STAU2: variants seen among roughly 807,000 people sequenced by gnomAD.
STAU2 encodes staufen double-stranded RNA binding protein 2.
Under a neutral mutation model 65.9 loss-of-function variants are expected in STAU2, and 20 were observed. The ratio of observed to expected loss-of-function variants is 0.30; its 90% CI spans 0.21 to 0.44. The LOEUF is 0.44. STAU2 is among the 20% of genes least tolerant of loss of function. STAU2 has a pLI of 1.00. For synonymous variants in STAU2, 232 were observed against 233.9 expected (o/e 0.99, Z 0.07); for missense variants, 558 against 683.9 (o/e 0.82, Z 2.05).
intron 13 of STAU2, among the ~76,000 whole-genome samples, chr8:73,494,086 T>A (rs1244693340): frequency 6.6e-6 from 1 of 151,774 alleles, no homozygotes; most frequent in Non-Finnish European, 1.5e-5. Flanking sequence ...ACGTTTTATA[T>A]CTTGACAGGG....
chr8:73,594,040 T>C (rs1811007841), intron 11 of STAU2, among the ~76,000 whole-genome samples: 1 of 152,220 alleles, frequency 6.6e-6, no homozygotes, highest in African/African-American at 2.4e-5. Flanking sequence ...AATACATGTC[T>C]GTGAGGAGAT....
chr8:73,737,605 C>T (rs1343282405), intron 3 of STAU2, among the ~76,000 whole-genome samples: 1 of 148,436 alleles, frequency 6.7e-6, no homozygotes, highest in Non-Finnish European at 1.5e-5. Flanking sequence ...GGTCTTACTA[C>T]GTTACCCAGT....
chr8:73,545,768 C>T (rs1296272829), intron 13 of STAU2, among the ~76,000 whole-genome samples: 1 of 152,036 alleles, frequency 6.6e-6, no homozygotes, highest in African/African-American at 2.4e-5. Flanking sequence ...TTGCCTCAGC[C>T]TCCCTAGTAG....
At chr8:73,620,203 C>T (rs371720731) in intron 6 of STAU2, among the ~76,000 whole-genome samples, 2 of 152,144 alleles carry the variant, frequency 1.3e-5, no homozygotes, top group Non-Finnish European at 2.9e-5. Flanking sequence ...CTCCACATAA[C>T]TTTGTTTATT....
chr8:73,741,586 C>T, intron 1 of STAU2, among the ~76,000 whole-genome samples: 1 of 151,416 alleles, frequency 6.6e-6, no homozygotes, highest in Non-Finnish European at 1.5e-5. Flanking sequence ...AATCTCAGCT[C>T]ACTGCAACCT....
intron 13 of STAU2, among the ~76,000 whole-genome samples, chr8:73,437,372 G>C (rs548571870): frequency 3.3e-5 from 5 of 152,268 alleles, no homozygotes; most frequent in Admixed American, 2.6e-4. Flanking sequence ...ATCGGAGAAG[G>C]GTGTGAGGGA....
chr8:73,654,683 CTTTTTTTTTTT>C (rs764223379), intron 6 of STAU2, among the ~76,000 whole-genome samples: 1 of 62,950 alleles, frequency 1.6e-5, no homozygotes, highest in Non-Finnish European at 2.7e-5. Flanking sequence ...ATTATCAAAC[CTTTTTTTTTTT>C]TTTTTTTTTT....
intron 3 of STAU2, among the ~76,000 whole-genome samples, chr8:73,717,115 T>TA (rs1821303926): frequency 6.6e-6 from 1 of 151,754 alleles, no homozygotes; most frequent in Admixed American, 6.6e-5. Flanking sequence ...AAAAAATAAA[T>TA]AAAGTAGTAG....
intron 4 of STAU2, among the ~76,000 whole-genome samples, chr8:73,699,956 C>G (rs570941997): frequency 6.7e-6 from 1 of 149,780 alleles, no homozygotes; most frequent in African/African-American, 2.5e-5. Flanking sequence ...TCCAACAATA[C>G]ATTTAAAAGA....
chr8:73,507,464 G>A (rs1260924128), intron 13 of STAU2, among the ~76,000 whole-genome samples: 1 of 152,140 alleles, frequency 6.6e-6, no homozygotes, highest in African/African-American at 2.4e-5. Flanking sequence ...TCAACAGTGG[G>A]CTTAAAATAC....
intron 13 of STAU2, among the ~76,000 whole-genome samples, chr8:73,507,665 A>G (rs1215725737): frequency 1.3e-5 from 2 of 152,178 alleles, no homozygotes; most frequent in African/African-American, 4.8e-5. Context: ...CTGTCCTTTG[A>G]AGCTTTGAAT....
intron 13 of STAU2, among the ~76,000 whole-genome samples, chr8:73,471,323 C>T (rs1457493333): frequency 1.3e-5 from 2 of 151,748 alleles, no homozygotes; most frequent in Non-Finnish European, 2.9e-5. Flanking sequence ...CAGGCACACA[C>T]TAATATGCCT....
chr8:73,594,080 A>G (rs141747251), intron 11 of STAU2, among the ~76,000 whole-genome samples: 88 of 152,302 alleles, frequency 5.8e-4, no homozygotes, highest in African/African-American at 1.9e-3. Context: ...TAGATCACTC[A>G]CCAGTTTTAA....
At chr8:73,623,457 A>G (rs937055984) in intron 6 of STAU2, among the ~76,000 whole-genome samples, 1 of 152,128 alleles carries the variant, frequency 6.6e-6, no homozygotes, top group East Asian at 1.9e-4. Context: ...TTAAACATTC[A>G]TATCTCCCCT....
intron 4 of STAU2, among the ~76,000 whole-genome samples, chr8:73,703,922 T>C (rs1272816031): frequency 6.6e-6 from 1 of 152,184 alleles, no homozygotes; most frequent in African/African-American, 2.4e-5. Context: ...ATGGGTTAAA[T>C]TATGAAAGAA....
At chr8:73,718,101 G>A (rs997748392) in intron 3 of STAU2, among the ~76,000 whole-genome samples, 16 of 152,284 alleles carry the variant, frequency 1.1e-4, no homozygotes, top group Admixed American at 1.3e-4. Flanking sequence ...GGGAACTAAC[G>A]TATTAGGTTC....
chr8:73,447,531 T>G (rs963520203), intron 13 of STAU2, among the ~76,000 whole-genome samples: 1 of 152,374 alleles, frequency 6.6e-6, no homozygotes, highest in African/African-American at 2.4e-5. Flanking sequence ...ACAAACATTT[T>G]GTGCAAATAC....
At chr8:73,612,785 C>T (rs1042389630) in intron 9 of STAU2, among the ~76,000 whole-genome samples, 2 of 152,156 alleles carry the variant, frequency 1.3e-5, no homozygotes, top group African/African-American at 4.8e-5. Context: ...TATTTCTTAT[C>T]TGTAATCCTT....
At chr8:73,698,540 A>C (rs7012502) in intron 4 of STAU2, among the ~76,000 whole-genome samples, 1 of 152,018 alleles carries the variant, frequency 6.6e-6, no homozygotes, top group Non-Finnish European at 1.5e-5. Flanking sequence ...CAAGACAAAA[A>C]CTGTAAGGAG....
Sources: allele counts gnomAD v4.1 joint callset (sites outside exome capture counted in the v4.1 genomes callset), GRCh38; gene constraint gnomAD v4.1.1; transcripts MANE v1.5; gene names NCBI Gene and HGNC (gene_info 2026-07-23, HGNC 2026-07-21).